TBC1D8: variants seen among roughly 807,000 people sequenced by gnomAD.
The protein encoded by TBC1D8 is BUB2-like protein 1.
TBC1D8 carries 65 observed loss-of-function variants against 118.8 expected under a neutral mutation model. The ratio of observed to expected loss-of-function variants is 0.55; its 90% CI spans 0.45 to 0.67. The LOEUF is 0.67. TBC1D8 is among the 30% of genes least tolerant of loss of function. TBC1D8 has a pLI of 0.00. For synonymous variants in TBC1D8, 566 were observed against 595.8 expected (o/e 0.95, Z 0.73); for missense variants, 1,376 against 1,471.2 (o/e 0.94, Z 1.06).
chr2:101,112,620 G>C (rs1248581847), intron 1 of TBC1D8, among the ~76,000 whole-genome samples: 1 of 152,190 alleles, frequency 6.6e-6, no homozygotes, highest in East Asian at 1.9e-4. Context: ...CTCTTCCCTG[G>C]ACGTTGAGGT....
At chr2:101,052,372 A>T (rs1452048374) in intron 4 of TBC1D8, among the ~76,000 whole-genome samples, 1 of 152,250 alleles carries the variant, frequency 6.6e-6, no homozygotes, top group African/African-American at 2.4e-5. Flanking sequence ...AGCAAGGAGA[A>T]CAGAAAGTCT....
intron 17 of TBC1D8, among the ~76,000 whole-genome samples, chr2:101,013,784 T>C (rs910155039): frequency 1.3e-5 from 2 of 152,228 alleles, no homozygotes; most frequent in African/African-American, 4.8e-5. Flanking sequence ...AGAATTCACA[T>C]ATGGCTTTGA....
chr2:101,078,740 A>G (rs1675017153), intron 2 of TBC1D8, among the ~76,000 whole-genome samples: 1 of 146,712 alleles, frequency 6.8e-6, no homozygotes, highest in South Asian at 2.1e-4. Flanking sequence ...AAGAAAAGAA[A>G]AACCTTTCTT....
chr2:101,105,204 C>T lies in TBC1D8; in HGVS notation c.128-14840G>A, dbSNP rs540703248. ...GACACCTGAGTACCAAAAGACAAGCCACTGACTGAGAGAAAGTACTTGCAA... is the reference window on the plus strand; with the variant it reads ...GACACCTGAGTACCAAAAGACAAGCTACTGACTGAGAGAAAGTACTTGCAA... On this transcript the variant is annotated intron_variant, in intron 1 of 19. Transcript: ENST00000409318. 3.4e-4 allele frequency among the ~76,000 whole-genome samples: 52 copies of T among 152,086 alleles called. 1 individual carries two copies. In the South Asian group the frequency reaches 1.0e-2, roughly 29 times the overall value.
At chr2:101,143,062 CCTT>C (rs1039060085) in intron 1 of TBC1D8, among the ~76,000 whole-genome samples, 1 of 93,664 alleles carries the variant, frequency 1.1e-5, no homozygotes, top group Non-Finnish European at 2.1e-5. Context: ...TCTTTCCTTT[CCTT>C]TTTTTTTTTT....
At chr2:101,052,037 C>CTTT (rs1682107773) in intron 4 of TBC1D8, among the ~76,000 whole-genome samples, 4 of 152,186 alleles carry the variant, frequency 2.6e-5, no homozygotes, top group African/African-American at 9.7e-5. Context: ...ACAACATATA[C>CTTT]CTTTCTCAAG....
At chr2:101,042,389 G>A (rs968532712) in intron 5 of TBC1D8, among the ~76,000 whole-genome samples, 1 of 152,170 alleles carries the variant, frequency 6.6e-6, no homozygotes, top group African/African-American at 2.4e-5. Flanking sequence ...TAAATATAAG[G>A]ATGAAATTAG....
chr2:101,140,588 C>G (rs539405170), intron 1 of TBC1D8, among the ~76,000 whole-genome samples: 2 of 152,198 alleles, frequency 1.3e-5, no homozygotes, highest in South Asian at 4.1e-4. Context: ...ATCAACGTTA[C>G]AGGTACGTGT....
chr2:101,028,237 T>G, intron 13 of TBC1D8, 66 bp downstream of exon 13: 8 of 1,531,384 alleles, frequency 5.2e-6, no homozygotes, highest in Non-Finnish European at 8.8e-7. Context: ...TCCACATCCA[T>G]CCCCCAGTCA....
chr2:101,017,236 G>A (rs913909652), intron 17 of TBC1D8, among the ~76,000 whole-genome samples: 5 of 151,974 alleles, frequency 3.3e-5, no homozygotes, highest in Admixed American at 2.0e-4. Flanking sequence ...CTGGAATAGC[G>A]CCTGAAGGAC....
intron 1 of TBC1D8, among the ~76,000 whole-genome samples, chr2:101,143,979 T>C (rs1199496656): frequency 1.3e-5 from 2 of 152,252 alleles, no homozygotes; most frequent in East Asian, 3.8e-4. Flanking sequence ...TCCTGCATTC[T>C]ACATAATTTC....
chr2:101,025,581 T>C (rs1680293426), intron 15 of TBC1D8, among the ~76,000 whole-genome samples: 1 of 152,188 alleles, frequency 6.6e-6, no homozygotes, highest in Non-Finnish European at 1.5e-5. Context: ...AAAAATGGTT[T>C]TTTCTTTTTT....
intron 8 of TBC1D8, among the ~76,000 whole-genome samples, chr2:101,036,689 T>G (rs1681035691): frequency 6.6e-6 from 1 of 152,204 alleles, no homozygotes; most frequent in African/African-American, 2.4e-5. Flanking sequence ...ATGAGAAAGA[T>G]ACCATTTCTC....
At position 101,090,378 on chromosome 2, in the gene TBC1D8, G is replaced by A; in HGVS notation, c.128-14C>T. On this transcript the variant is annotated splice_polypyrimidine_tract_variant and intron_variant, in intron 1 of 19. Coordinates refer to ENST00000409318, the MANE Select transcript of TBC1D8 (RefSeq NM_001330348.2). ...CGACCAGGCGACCTTCAAAAGAAAAGAGAAGAAAGTGCACCTGTGAGCATG... is the reference window on the plus strand; with the variant it reads ...CGACCAGGCGACCTTCAAAAGAAAAAAGAAGAAAGTGCACCTGTGAGCATG... 1 of 1,613,618 alleles carries A rather than the reference G, an allele frequency of 6.2e-7. No homozygotes were observed. Among genetic ancestry groups the A allele is most frequent in the Non-Finnish European group, 8.5e-7 (1 of 1,179,804 alleles).
intron 18 of TBC1D8, 67 bp from the exon 19 acceptor site, chr2:101,011,093 A>G (rs1679174634): frequency 4.0e-6 from 6 of 1,491,620 alleles, no homozygotes; most frequent in Non-Finnish European, 5.5e-6. Flanking sequence ...AAAGGAAACT[A>G]TGTAGGAGAG....
intron 1 of TBC1D8, among the ~76,000 whole-genome samples, chr2:101,116,053 T>A (rs1187434395): frequency 6.6e-6 from 1 of 152,232 alleles, no homozygotes; most frequent in Non-Finnish European, 1.5e-5. Context: ...GCTTAAGTTG[T>A]TATAGCTATA....
At chr2:101,072,534 G>C (rs1674520019) in intron 2 of TBC1D8, among the ~76,000 whole-genome samples, 1 of 152,206 alleles carries the variant, frequency 6.6e-6, no homozygotes, top group Non-Finnish European at 1.5e-5. Context: ...GACCAATTTT[G>C]TGGGAGACAA....
Position 101,123,673 on chromosome 2 carries a change from T to C in TBC1D8, c.127+27454A>G, listed in dbSNP as rs1323856985. On this transcript the variant is annotated intron_variant, in intron 1 of 19. Transcript: ENST00000409318. ...TGGAACAAATCACCTTAAGGACCAGTATACTGTCACAGATATAGGTCTACC... is the reference window on the plus strand; with the variant it reads ...TGGAACAAATCACCTTAAGGACCAGCATACTGTCACAGATATAGGTCTACC... Among the ~76,000 whole-genome samples, 3 of 152,326 alleles carry C rather than the reference T, an allele frequency of 2.0e-5. No individual in the cohort carries two copies. The South Asian group carries it at 6.2e-4, about 32-fold the overall frequency.
At position 101,010,967 on chromosome 2, in the gene TBC1D8, T is replaced by C; in HGVS notation, c.2977A>G (p.Lys993Glu). 6.2e-7 allele frequency: 1 copy of C among 1,613,172 alleles called. No homozygotes were observed. Among genetic ancestry groups the C allele is most frequent in the African/African-American group, 1.3e-5 (1 of 75,050 alleles). The part of the protein sequence containing the change: ...KQMIKDLAKE[K>E]DKTEKELPKM... ...GGCAATTCTTTCTCAGTTTTATCTTTTTCTTTGGCTAAATCCTTAATCATC... is the reference window on the plus strand; with the variant it reads ...GGCAATTCTTTCTCAGTTTTATCTTCTTCTTTGGCTAAATCCTTAATCATC... The change falls in exon 19 of 20, where the codon AAA becomes GAA. Residue 993 changes from lysine to glutamate, a missense_variant. Physicochemically the swap from Lys to Glu is moderately conservative, Grantham distance 56. Transcript: ENST00000409318.
Sources: allele counts gnomAD v4.1 joint callset (sites outside exome capture counted in the v4.1 genomes callset), GRCh38; gene constraint gnomAD v4.1.1; transcripts MANE v1.5; gene names NCBI Gene and HGNC (gene_info 2026-07-23, HGNC 2026-07-21).